Variants in DPYSL4 observed in about 807,000 individuals in gnomAD.
DPYSL4 encodes dihydropyrimidinase-related protein 4.
A neutral mutation model predicts 63.4 loss-of-function variants in DPYSL4; 43 were observed. The observed-to-expected ratio is 0.68, with a 90% confidence interval of 0.53 to 0.88. The LOEUF is 0.88. DPYSL4 is among the 40% of genes least tolerant of loss of function. The pLI is 0.00. For missense variants in DPYSL4, 733 were observed against 819.5 expected (o/e 0.89, Z 1.29); for synonymous variants, 353 against 331.7 (o/e 1.06, Z -0.70).
intron 4 of DPYSL4, among the ~76,000 whole-genome samples, chr10:132,196,114 C>T (rs953420282): frequency 1.3e-5 from 2 of 152,214 alleles, no homozygotes; most frequent in African/African-American, 4.8e-5. Context: ...TGTGCCTTAG[C>T]TTGTCACACT....
chr10:132,190,964 TG>T (rs1174712078), intron 2 of DPYSL4, 129 bp downstream of exon 2: 7 of 892,796 alleles, frequency 7.8e-6, no homozygotes, highest in South Asian at 1.7e-5. Context: ...TCCAGGCAGG[TG>T]AAAGTATGTT....
At chr10:132,202,888 G>A (rs1051359618) in intron 12 of DPYSL4, 63 bp downstream of exon 12, 4 of 1,524,930 alleles carry the variant, frequency 2.6e-6, no homozygotes, top group South Asian at 1.3e-5. Context: ...TCTAGGCCCA[G>A]AACGCACCCC....
In DPYSL4 at chr10:132,189,302, C is replaced by T. The variant is rs569626093; in HGVS notation, c.40-1445C>T. Among the ~76,000 whole-genome samples the T allele has an allele frequency of 2.6e-5, 4 of 151,734 alleles. No individual in the cohort carries two copies. The South Asian group carries it at 8.3e-4, about 32-fold the overall frequency. On this transcript the variant is annotated intron_variant, in intron 1 of 13. Coordinates refer to ENST00000338492, the MANE Select transcript of DPYSL4 (RefSeq NM_006426.3). ...CCCGTGGGCGCGTCCTTCTCCACCTCCTTTCACTCCTTTTTTGTGTTTCTC... is the reference window on the plus strand; with the variant it reads ...CCCGTGGGCGCGTCCTTCTCCACCTTCTTTCACTCCTTTTTTGTGTTTCTC...
At chr10:132,187,748 C>T (rs2061823443) in intron 1 of DPYSL4, among the ~76,000 whole-genome samples, 1 of 152,250 alleles carries the variant, frequency 6.6e-6, no homozygotes, top group South Asian at 2.1e-4. Flanking sequence ...TGGCCGGGAA[C>T]CCTGGCAGCC....
intron 3 of DPYSL4, among the ~76,000 whole-genome samples, chr10:132,194,609 C>G (rs1343736944): frequency 1.3e-5 from 2 of 152,222 alleles, no homozygotes; most frequent in Non-Finnish European, 2.9e-5. Flanking sequence ...CTCCCCTCTC[C>G]CTTCTGTGCT....
chr10:132,189,241 G>A (rs567624889), intron 1 of DPYSL4, among the ~76,000 whole-genome samples: 14 of 152,236 alleles, frequency 9.2e-5, no homozygotes, highest in Non-Finnish European at 1.9e-4. Flanking sequence ...TGAGGCGCAC[G>A]CCAGACGGTG....
At position 132,192,679 on chromosome 10, in the gene DPYSL4, C is replaced by T. The variant is rs750109143; in HGVS notation, c.150C>T (p.Ile50=). Residue 50 remains isoleucine, a synonymous_variant, in exon 3 of 14, where the codon ATC becomes ATT. Coordinates refer to ENST00000338492, the MANE Select transcript of DPYSL4 (RefSeq NM_006426.3). ...TCAGACAAATCGGAGAAAACCTCAT[C>T]GTCCCTGGGGGCATCAAGACCATTG... ...GLIKQIGENL[I]VPGGIKTIDA... 6.2e-6 allele frequency: 10 copies of T among 1,606,078 alleles called. No homozygotes were observed. The Admixed American group carries it at 8.6e-5, about 14-fold the overall frequency.
chr10:132,192,885 C>G lies in DPYSL4; in HGVS notation c.313+43C>G, dbSNP rs768984059. 5.9e-6 allele frequency: 9 copies of G among 1,538,382 alleles called. No individual in the cohort carries two copies. The South Asian group carries it at 1.1e-4, about 19-fold the overall frequency. On this transcript the variant is annotated intron_variant, in intron 3 of 13. Transcript: ENST00000338492. Reference sequence around the variant, plus strand: ...CTCCTCTACAGGGGGCAGCCAGCGTCTGCTGCCCCTCTCTCTGGCCAGGTG... The same window carrying G: ...CTCCTCTACAGGGGGCAGCCAGCGTGTGCTGCCCCTCTCTCTGGCCAGGTG...
chr10:132,196,241 G>C (rs1035358714), intron 4 of DPYSL4, among the ~76,000 whole-genome samples: 4 of 152,236 alleles, frequency 2.6e-5, no homozygotes, highest in Admixed American at 2.6e-4. Context: ...GAGTCCTGGG[G>C]GAGGTGGATG....
At chr10:132,193,622 G>A (rs1423668946) in intron 3 of DPYSL4, among the ~76,000 whole-genome samples, 2 of 152,378 alleles carry the variant, frequency 1.3e-5, no homozygotes, top group East Asian at 3.9e-4. Context: ...TGCTGTGGTT[G>A]AGAACGGGTC....
At chr10:132,190,036 C>T (rs1041493211) in intron 1 of DPYSL4, among the ~76,000 whole-genome samples, 6 of 152,246 alleles carry the variant, frequency 3.9e-5, no homozygotes, top group South Asian at 2.1e-4. Context: ...CTGGCTGGAA[C>T]GCTCGCCATG....
At chr10:132,187,314 C>T (rs1393891342) in intron 1 of DPYSL4, among the ~76,000 whole-genome samples, 6 of 143,926 alleles carry the variant, frequency 4.2e-5, no homozygotes, top group Admixed American at 3.5e-4. Flanking sequence ...CCTTAAGGAG[C>T]GGGGCGCCCA....
intron 13 of DPYSL4, 67 bp downstream of exon 13, chr10:132,203,994 C>T: frequency 6.5e-7 from 1 of 1,536,632 alleles, no homozygotes; most frequent in Non-Finnish European, 8.9e-7. Context: ...CCTCAGGTAC[C>T]AGGGCCCAGC....
intron 1 of DPYSL4, among the ~76,000 whole-genome samples, chr10:132,188,589 C>T (rs2061834469): frequency 6.6e-6 from 1 of 152,204 alleles, no homozygotes; most frequent in African/African-American, 2.4e-5. Context: ...GGTGCAGCGG[C>T]TGGGAACAGA....
intron 1 of DPYSL4, 89 bp downstream of exon 1, chr10:132,187,191 T>C (rs2061807143): frequency 4.2e-6 from 4 of 962,916 alleles, no homozygotes; most frequent in Non-Finnish European, 6.2e-6. Flanking sequence ...GTCTTGTGCG[T>C]GGGTGGGGGG....
At chr10:132,198,203 G>A (rs553718477) in intron 6 of DPYSL4, among the ~76,000 whole-genome samples, 2 of 152,236 alleles carry the variant, frequency 1.3e-5, no homozygotes, top group Middle Eastern at 3.4e-3. Context: ...TCCCCTATCC[G>A]AGCTGTCCCC....
intron 1 of DPYSL4, 63 bp from the exon 2 acceptor site, chr10:132,190,684 G>C (rs1343083655): frequency 4.1e-6 from 6 of 1,477,514 alleles, no homozygotes; most frequent in Non-Finnish European, 4.7e-6. Flanking sequence ...GGAAGGAGTT[G>C]CACCAAGAGT....
In DPYSL4 at chr10:132,202,752, C is replaced by T. The variant is rs758277301; in HGVS notation, c.1388C>T (p.Pro463Leu). ...ALEDGKMFVT[P>L]GAGRFVPRKT... ...GAGGACGGGAAGATGTTTGTCACCC[C>T]GGGGGCGGGCCGCTTCGTCCCTCGG... The change falls in exon 12 of 14, where the codon CCG (proline) becomes CTG (leucine). Residue 463 changes from proline (P) to leucine (L), a missense_variant. Pro to Leu is a moderately conservative substitution (Grantham distance 98, BLOSUM62 -3). Coordinates refer to ENST00000338492, the MANE Select transcript of DPYSL4 (RefSeq NM_006426.3). 1.6e-5 allele frequency: 26 copies of T among 1,612,916 alleles called. No individual in the cohort carries two copies. Among genetic ancestry groups the T allele is most frequent in the South Asian group, 9.9e-5 (9 of 91,052 alleles).
At position 132,205,062 on chromosome 10, in the gene DPYSL4, C is replaced by A; in HGVS notation, c.*132C>A. The A allele has an allele frequency of 3.1e-6, 2 of 643,850 alleles. No individual in the cohort carries two copies. Among genetic ancestry groups the A allele is most frequent in the Non-Finnish European group, 5.0e-6 (2 of 401,760 alleles). The allele number at this position is 643,850 out of a possible 1,614,324, so 39.9% of individuals were successfully genotyped here. A position where few individuals can be genotyped will look rare whatever the true frequency, so the allele number is the denominator to read the frequency against. The stretch of plus-strand genomic sequence containing the variant: ...AGGTGCTTGGCGGTCTTGCCTTCCC[C>A]CTCCCCACAGGCTCTCCTTGTGGGG... On this transcript the variant is annotated 3_prime_UTR_variant, in exon 14 of 14. Coordinates refer to ENST00000338492, the MANE Select transcript of DPYSL4 (RefSeq NM_006426.3).
Sources: gnomAD v4.1 joint callset for allele counts (sites outside exome capture counted in the v4.1 genomes callset) on GRCh38, gnomAD v4.1.1 for gene constraint, MANE v1.5 for transcripts, NCBI Gene and HGNC (gene_info 2026-07-23, HGNC 2026-07-21) for gene names.